PRKG1: variants seen among roughly 807,000 people sequenced by gnomAD.
The protein encoded by PRKG1 is protein kinase cGMP-dependent 1, also known as cGMP-dependent protein kinase 1.
Under a neutral mutation model 88.1 loss-of-function variants are expected in PRKG1, and 35 were observed. That is an observed-to-expected ratio of 0.40 (90% CI 0.30 to 0.53). PRKG1 has a LOEUF of 0.53. PRKG1 is among the 20% of genes least tolerant of loss of function. The pLI is 0.59. For missense variants in PRKG1, 540 were observed against 839.8 expected (o/e 0.64, Z 4.41); for synonymous variants, 303 against 292.5 (o/e 1.04, Z -0.37).
intron 12 of PRKG1, among the ~76,000 whole-genome samples, chr10:52,273,479 T>G (rs918699048): frequency 2.0e-5 from 3 of 152,084 alleles, no homozygotes; most frequent in African/African-American, 7.2e-5. Context: ...TTTTTATATT[T>G]GTTACTTTGC....
At chr10:51,113,711 A>C (rs1445782931) in intron 1 of PRKG1, among the ~76,000 whole-genome samples, 3 of 129,134 alleles carry the variant, frequency 2.3e-5, no homozygotes, top group Non-Finnish European at 4.7e-5. Context: ...CAGTAGGAAT[A>C]TTTTGAGCAT....
intron 2 of PRKG1, among the ~76,000 whole-genome samples, chr10:51,219,301 G>A (rs1024966885): frequency 2.0e-5 from 3 of 151,992 alleles, no homozygotes; most frequent in Admixed American, 6.6e-5. Flanking sequence ...ATGTTGATTC[G>A]CACTGGTCTA....
chr10:51,853,466 C>G (rs994975988), intron 4 of PRKG1, among the ~76,000 whole-genome samples: 2 of 152,076 alleles, frequency 1.3e-5, no homozygotes, highest in African/African-American at 4.8e-5. Flanking sequence ...AAATAAAACA[C>G]CCATTATAAT....
intron 3 of PRKG1, among the ~76,000 whole-genome samples, chr10:51,571,277 A>G (rs1236861567): frequency 6.6e-6 from 1 of 151,926 alleles, no homozygotes; most frequent in African/African-American, 2.4e-5. Context: ...AAAGTAGTTT[A>G]TTGAAAACAA....
chr10:51,446,396 G>A (rs989768996), intron 2 of PRKG1, among the ~76,000 whole-genome samples: 11 of 151,824 alleles, frequency 7.2e-5, no homozygotes, highest in African/African-American at 2.7e-4. Flanking sequence ...AGGAATTCTT[G>A]ATCTATTTCT....
At chr10:51,237,023 A>G (rs1196426585) in intron 2 of PRKG1, among the ~76,000 whole-genome samples, 1 of 152,170 alleles carries the variant, frequency 6.6e-6, no homozygotes, top group Non-Finnish European at 1.5e-5. Flanking sequence ...GTTCTGGTTC[A>G]TGCCTGTTGG....
chr10:51,466,334 TC>T, intron 2 of PRKG1, among the ~76,000 whole-genome samples: 1 of 152,238 alleles, frequency 6.6e-6, no homozygotes, highest in East Asian at 1.9e-4. Flanking sequence ...TGTAAGCAAG[TC>T]TTTTTAAACC....
intron 1 of PRKG1, among the ~76,000 whole-genome samples, chr10:51,023,236 C>T (rs542550442): frequency 6.6e-6 from 1 of 152,236 alleles, no homozygotes; most frequent in East Asian, 1.9e-4. Context: ...TCTCTAATGC[C>T]CTAATAGTTC....
Position 51,732,735 on chromosome 10 carries a change from C to T in PRKG1, c.593-71850C>T, listed in dbSNP as rs73345312. Among the ~76,000 whole-genome samples the T allele has an allele frequency of 6.4e-3, 975 of 152,182 alleles. 9 individuals are homozygous for T. The highest frequency in any genetic ancestry group is 0.023 in the African/African-American group (942 of 41,520). ...CTAAATTGAAGGCAAAAAGAATAAACACAACCAATTTACCAAGCCACGAAA... is the reference window on the plus strand; with the variant it reads ...CTAAATTGAAGGCAAAAAGAATAAATACAACCAATTTACCAAGCCACGAAA... On this transcript the variant is annotated intron_variant, in intron 3 of 17. Coordinates refer to ENST00000373980, the MANE Select transcript of PRKG1 (RefSeq NM_006258.4).
chr10:51,016,986 AC>A (rs765011494), intron 1 of PRKG1, among the ~76,000 whole-genome samples: 1 of 151,454 alleles, frequency 6.6e-6, no homozygotes, highest in Non-Finnish European at 1.5e-5. Flanking sequence ...CATTTTTAAG[AC>A]CAAAAAAACT....
chr10:51,600,100 C>T (rs1838558912), intron 3 of PRKG1, among the ~76,000 whole-genome samples: 1 of 152,118 alleles, frequency 6.6e-6, no homozygotes, highest in Non-Finnish European at 1.5e-5. Flanking sequence ...CTGTTTTTCT[C>T]CTTCTTCGAA....
chr10:51,399,800 A>G lies in PRKG1; in HGVS notation c.479-67923A>G, dbSNP rs76437840. ...ACAACAGTACACAGTTTCTAAGCACAACAGCGGAAATGGTGACTTCAGGGG... is the reference window on the plus strand; with the variant it reads ...ACAACAGTACACAGTTTCTAAGCACGACAGCGGAAATGGTGACTTCAGGGG... On this transcript the variant is annotated intron_variant, in intron 2 of 17. Transcript: ENST00000373980. 1.2e-4 allele frequency among the ~76,000 whole-genome samples: 18 copies of G among 152,264 alleles called. No homozygotes were observed. The East Asian group carries it at 3.1e-3, about 26-fold the overall frequency.
chr10:51,715,786 T>C (rs1293127321), intron 3 of PRKG1, among the ~76,000 whole-genome samples: 7 of 152,088 alleles, frequency 4.6e-5, no homozygotes, highest in African/African-American at 1.7e-4. Flanking sequence ...ATGAAAAAAA[T>C]GTTTGAAAAC....
chr10:52,216,190 A>G (rs1227554046), intron 9 of PRKG1, among the ~76,000 whole-genome samples: 1 of 152,118 alleles, frequency 6.6e-6, no homozygotes. Context: ...TCTTGAATAT[A>G]CTCTTCTTAG....
At chr10:51,071,715 G>GT (rs1439283847), upstream of PRKG1, among the ~76,000 whole-genome samples, 6 of 151,934 alleles carry the variant, frequency 3.9e-5, no homozygotes, top group South Asian at 4.1e-4. Flanking sequence ...AATATTTTTG[G>GT]TTTTTTTATT....
chr10:52,291,233 CTTTTATTTTTTTATTT>C (rs796532146), intron 17 of PRKG1, among the ~76,000 whole-genome samples: 2 of 101,730 alleles, frequency 2.0e-5, no homozygotes, highest in Non-Finnish European at 3.9e-5. Flanking sequence ...CGTGATCACT[CTTTTATTTTTTTATTT>C]TTTTATTTTT....
chr10:51,212,275 G>A (rs1838243286), intron 2 of PRKG1, among the ~76,000 whole-genome samples: 1 of 151,794 alleles, frequency 6.6e-6, no homozygotes, highest in Admixed American at 6.6e-5. Flanking sequence ...GTAGAAAGCT[G>A]AAACTGGATC....
rs188130239 is a variant in PRKG1 at position 52,008,502 on chromosome 10, T to C, written c.763-45982T>C. Reference sequence around the variant, plus strand: ...TCAGAGACTACTATGAACACCTGTGTTCACACAAGCTAGAAAATCTAGAAG... The same window carrying C: ...TCAGAGACTACTATGAACACCTGTGCTCACACAAGCTAGAAAATCTAGAAG... On this transcript the variant is annotated intron_variant, in intron 5 of 17. Coordinates refer to ENST00000373980, the MANE Select transcript of PRKG1 (RefSeq NM_006258.4). Among the ~76,000 whole-genome samples, 27 of 152,144 alleles carry C rather than the reference T, an allele frequency of 1.8e-4. No individual in the cohort carries two copies. The East Asian group carries it at 4.8e-3, about 27-fold the overall frequency.
intron 1 of PRKG1, among the ~76,000 whole-genome samples, chr10:50,996,026 A>G (rs1842833473): frequency 6.6e-6 from 1 of 152,242 alleles, no homozygotes; most frequent in Non-Finnish European, 1.5e-5. Flanking sequence ...AGCAAGGTCA[A>G]TGAAGTGAGT....
Sources: allele counts gnomAD v4.1 joint callset (sites outside exome capture counted in the v4.1 genomes callset), GRCh38; gene constraint gnomAD v4.1.1; transcripts MANE v1.5; gene names NCBI Gene and HGNC (gene_info 2026-07-23, HGNC 2026-07-21).